Variants in LUZP2 observed in about 807,000 individuals in gnomAD.
LUZP2 encodes the protein leucine zipper protein 2.
A neutral mutation model predicts 51.6 loss-of-function variants in LUZP2; 52 were observed. That is an observed-to-expected ratio of 1.01 (90% CI 0.81 to 1.27). The LOEUF (loss-of-function observed/expected upper bound fraction) is 1.27, where lower values mean the gene tolerates loss of function less well. Ranked by LOEUF, LUZP2 falls within the 50% of genes most tolerant of loss-of-function variation. The probability of loss-of-function intolerance (pLI) is 0.00; values close to 1 mark genes in which losing one functional copy is unlikely to be tolerated. For synonymous variants in LUZP2, 154 were observed against 137.3 expected (o/e 1.12, Z -0.85); for missense variants, 436 against 395.4 (o/e 1.10, Z -0.87).
At chr11:25,010,771 C>T (rs995063016) in intron 9 of LUZP2, among the ~76,000 whole-genome samples, 128 of 151,548 alleles carry the variant, frequency 8.4e-4, no homozygotes, top group African/African-American at 2.9e-3. Flanking sequence ...CACTTGAACT[C>T]GGGAAGGGGA....
chr11:24,928,036 A>C (rs1854332090), intron 7 of LUZP2, among the ~76,000 whole-genome samples: 1 of 151,920 alleles, frequency 6.6e-6, no homozygotes, highest in Non-Finnish European at 1.5e-5. Context: ...TTTATTTATC[A>C]GTTTGATCAC....
chr11:24,985,816 G>A (rs941704504), intron 9 of LUZP2, among the ~76,000 whole-genome samples: 3 of 151,686 alleles, frequency 2.0e-5, no homozygotes, highest in Non-Finnish European at 3.0e-5. Context: ...ATCTGGAACT[G>A]AGGGAAGACA....
At chr11:24,738,365 C>A in intron 4 of LUZP2, 63 bp downstream of exon 4, 2 of 1,137,658 alleles carry the variant, frequency 1.8e-6, no homozygotes, top group Admixed American at 1.9e-5. Flanking sequence ...TTTCTTTTTC[C>A]AAAATCACTA....
chr11:24,927,489 A>C (rs1190951640), intron 7 of LUZP2, among the ~76,000 whole-genome samples: 1 of 151,358 alleles, frequency 6.6e-6, no homozygotes, highest in Admixed American at 6.6e-5. Flanking sequence ...TTATTTGTAT[A>C]TTAGGGTGTC....
intron 1 of LUZP2, among the ~76,000 whole-genome samples, chr11:24,605,300 T>C (rs1430576613): frequency 6.6e-6 from 1 of 151,706 alleles, no homozygotes; most frequent in African/African-American, 2.4e-5. Context: ...CTAATTAAAC[T>C]CAAGAAATTA....
chr11:24,739,306 C>G (rs1049552644), intron 4 of LUZP2, among the ~76,000 whole-genome samples: 1 of 151,970 alleles, frequency 6.6e-6, no homozygotes, highest in Admixed American at 6.6e-5. Context: ...TAGCAGCTGT[C>G]CTGACTTATA....
chr11:24,848,796 G>A (rs781413578), intron 5 of LUZP2, among the ~76,000 whole-genome samples: 5 of 152,032 alleles, frequency 3.3e-5, no homozygotes, highest in East Asian at 3.9e-4. Flanking sequence ...CACAAAACTC[G>A]ACAAGGAGAA....
intron 4 of LUZP2, among the ~76,000 whole-genome samples, chr11:24,753,817 T>A (rs1412025908): frequency 1.3e-5 from 2 of 152,000 alleles, no homozygotes; most frequent in Non-Finnish European, 2.9e-5. Context: ...TCAATCTTTA[T>A]CTTCATTAAT....
chr11:24,751,673 T>G, intron 4 of LUZP2: 1 of 547,926 alleles, frequency 1.8e-6, no homozygotes, highest in Non-Finnish European at 2.3e-6. Flanking sequence ...TTGGCCCTTT[T>G]CCTGTACCCA....
At chr11:24,989,592 T>C (rs1856277518) in intron 9 of LUZP2, among the ~76,000 whole-genome samples, 1 of 152,040 alleles carries the variant, frequency 6.6e-6, no homozygotes, top group African/African-American at 2.4e-5. Flanking sequence ...AACAGACAAA[T>C]ATGGACTCTG....
At chr11:25,019,807 A>G (rs1857278090) in intron 9 of LUZP2, among the ~76,000 whole-genome samples, 1 of 152,096 alleles carries the variant, frequency 6.6e-6, no homozygotes, top group African/African-American at 2.4e-5. Flanking sequence ...GGCTACTGTC[A>G]GAGGCAGGAA....
chr11:25,067,265 G>C (rs901062228), intron 10 of LUZP2, among the ~76,000 whole-genome samples: 2 of 151,864 alleles, frequency 1.3e-5, no homozygotes, highest in African/African-American at 4.8e-5. Flanking sequence ...GTTCTTTTTA[G>C]ATTCTGGATA....
At chr11:25,020,129 A>G (rs1411411271) in intron 9 of LUZP2, among the ~76,000 whole-genome samples, 1 of 152,158 alleles carries the variant, frequency 6.6e-6, no homozygotes, top group Non-Finnish European at 1.5e-5. Context: ...ACATATAAAA[A>G]TGAGAATAAC....
intron 1 of LUZP2, among the ~76,000 whole-genome samples, chr11:24,696,249 G>A (rs143488129): frequency 1.3e-5 from 2 of 152,230 alleles, no homozygotes; most frequent in East Asian, 3.9e-4. Flanking sequence ...TCAACCAGAT[G>A]TGGTTAGAAT....
chr11:25,023,575 A>G (rs926345144), intron 9 of LUZP2, among the ~76,000 whole-genome samples: 12 of 140,780 alleles, frequency 8.5e-5, no homozygotes, highest in Admixed American at 1.4e-4. Flanking sequence ...CAATTTTCAA[A>G]AAAACCAGCT....
At chr11:24,530,762 C>CT (rs367857815) in intron 1 of LUZP2, among the ~76,000 whole-genome samples, 20,183 of 74,606 alleles carry the variant, frequency 0.27, 2,732 homozygotes, top group East Asian at 0.49. Flanking sequence ...CTTCTTCTTA[C>CT]TTTTTTTTTT....
At chr11:24,984,549 T>TATATATATATATATATATATA (rs60530495) in intron 9 of LUZP2, among the ~76,000 whole-genome samples, 44 of 71,188 alleles carry the variant, frequency 6.2e-4, no homozygotes, top group Non-Finnish European at 7.3e-4. Context: ...TATATATATA[T>TATATATATATATATATATATA]AATTGTGAAT....
At chr11:25,042,532 G>A (rs1046065722) in intron 9 of LUZP2, among the ~76,000 whole-genome samples, 1 of 152,178 alleles carries the variant, frequency 6.6e-6, no homozygotes, top group Non-Finnish European at 1.5e-5. Context: ...TAAATTACTG[G>A]AAGAAGTGGT....
chr11:24,760,118 C>G (rs1859928236), intron 4 of LUZP2, among the ~76,000 whole-genome samples: 1 of 152,028 alleles, frequency 6.6e-6, no homozygotes, highest in Non-Finnish European at 1.5e-5. Context: ...CGGCAATTGG[C>G]AAAGATATTC....
Sources: allele counts gnomAD v4.1 joint callset (sites outside exome capture counted in the v4.1 genomes callset), GRCh38; gene constraint gnomAD v4.1.1; transcripts MANE v1.5; gene names NCBI Gene and HGNC (gene_info 2026-07-23, HGNC 2026-07-21).